Variants in MDGA2 observed in about 807,000 individuals in gnomAD.
The protein encoded by MDGA2 is MAM domain containing glycosylphosphatidylinositol anchor 2.
A neutral mutation model predicts 117.8 loss-of-function variants in MDGA2; 40 were observed. The ratio of observed to expected loss-of-function variants is 0.34; its 90% CI spans 0.26 to 0.44. The LOEUF (loss-of-function observed/expected upper bound fraction) is 0.44. Ranked by LOEUF, MDGA2 falls within the 20% of genes least tolerant of loss-of-function variation. MDGA2 has a pLI of 1.00. For synonymous variants in MDGA2, 452 were observed against 439.0 expected, an observed-to-expected ratio of 1.03 and a Z score of -0.37; for missense variants, 1,123 against 1,250.6, an observed-to-expected ratio of 0.90 and a Z score of 1.54.
chr14:47,129,088 GT>G (rs71112485), intron 5 of MDGA2, among the ~76,000 whole-genome samples: 16,746 of 147,690 alleles, frequency 0.11, 1,255 homozygotes, highest in Non-Finnish European at 0.18. Context: ...GCATTCTCTA[GT>G]TTTTTTTTTT....
intron 7 of MDGA2, among the ~76,000 whole-genome samples, chr14:47,041,378 A>G (rs1356072045): frequency 6.6e-6 from 1 of 152,140 alleles, no homozygotes; most frequent in African/African-American, 2.4e-5. Flanking sequence ...ATGAAAACGT[A>G]TCAAATTTAG....
intron 1 of MDGA2, among the ~76,000 whole-genome samples, chr14:47,439,753 G>T (rs756380405): frequency 1.3e-5 from 2 of 151,528 alleles, no homozygotes; most frequent in Non-Finnish European, 1.5e-5. Flanking sequence ...TCCAATCATG[G>T]CAGGGATTAT....
At chr14:47,494,652 T>C (rs945448157) in intron 1 of MDGA2, among the ~76,000 whole-genome samples, 2 of 152,084 alleles carry the variant, frequency 1.3e-5, no homozygotes, top group African/African-American at 4.8e-5. Flanking sequence ...TTTTTATAGT[T>C]TCAGGTCTTA....
At chr14:47,645,988 G>T (rs1164338913) in intron 1 of MDGA2, among the ~76,000 whole-genome samples, 1 of 150,704 alleles carries the variant, frequency 6.6e-6, no homozygotes, top group African/African-American at 2.4e-5. Context: ...GCTGAGGCAG[G>T]AGAATGGCAT....
intron 1 of MDGA2, among the ~76,000 whole-genome samples, chr14:47,634,053 A>T (rs1394015589): frequency 6.6e-6 from 1 of 152,140 alleles, no homozygotes; most frequent in African/African-American, 2.4e-5. Flanking sequence ...TAAAGTACAT[A>T]TCTTTTGGGA....
At chr14:47,620,124 T>C (rs1306643407) in intron 1 of MDGA2, among the ~76,000 whole-genome samples, 3 of 152,234 alleles carry the variant, frequency 2.0e-5, no homozygotes, top group Non-Finnish European at 4.4e-5. Flanking sequence ...TAACCATGCA[T>C]GTAATATGAA....
intron 1 of MDGA2, among the ~76,000 whole-genome samples, chr14:47,394,226 A>G (rs1237931413): frequency 6.6e-6 from 1 of 152,140 alleles, no homozygotes; most frequent in Admixed American, 6.5e-5. Flanking sequence ...ACTATCCACA[A>G]AAGAATAATA....
At chr14:46,873,408 G>GA (rs777798538) in intron 14 of MDGA2, 25 bp downstream of exon 14, 2 of 1,534,176 alleles carry the variant, frequency 1.3e-6, no homozygotes, top group African/African-American at 2.8e-5. Context: ...AATTTTGTAA[G>GA]AATCAGTAAT....
At chr14:47,355,913 T>C (rs528802667) in intron 1 of MDGA2, among the ~76,000 whole-genome samples, 1 of 152,190 alleles carries the variant, frequency 6.6e-6, no homozygotes, top group African/African-American at 2.4e-5. Context: ...TCTGAGTGCA[T>C]GTGTCTTTTC....
intron 1 of MDGA2, among the ~76,000 whole-genome samples, chr14:47,659,187 A>G (rs189456943): frequency 6.6e-6 from 1 of 152,300 alleles, no homozygotes; most frequent in East Asian, 1.9e-4. Context: ...AAACTAACAC[A>G]TCTGCTCCTA....
intron 3 of MDGA2, among the ~76,000 whole-genome samples, chr14:47,144,610 C>CAA (rs375897924): frequency 6.1e-5 from 9 of 147,716 alleles, no homozygotes; most frequent in Admixed American, 6.1e-4. Flanking sequence ...ACCTCAGTGA[C>CAA]AAAAAAAAAA....
chr14:47,167,366 T>C (rs1012280594), intron 3 of MDGA2, among the ~76,000 whole-genome samples: 10 of 152,198 alleles, frequency 6.6e-5, no homozygotes, highest in Non-Finnish European at 1.3e-4. Context: ...ACTTAACCTC[T>C]CTGTGTACTC....
At chr14:46,986,421 C>G (rs937436338) in intron 8 of MDGA2, among the ~76,000 whole-genome samples, 1 of 152,014 alleles carries the variant, frequency 6.6e-6, no homozygotes, top group African/African-American at 2.4e-5. Flanking sequence ...ACACTAAAGA[C>G]CACATGAAAT....
chr14:47,368,546 C>T (rs10459501), intron 1 of MDGA2, among the ~76,000 whole-genome samples: 55,342 of 151,898 alleles, frequency 0.36, 10,666 homozygotes, highest in East Asian at 0.68. Flanking sequence ...CAAGGTTATG[C>T]TTTGCGGGGG....
At chr14:47,289,799 A>C (rs764197548) in intron 2 of MDGA2, among the ~76,000 whole-genome samples, 18 of 152,140 alleles carry the variant, frequency 1.2e-4, no homozygotes, top group Non-Finnish European at 1.9e-4. Context: ...CCTTCTACCT[A>C]TATAATATTT....
chr14:47,070,733 G>A (rs1890251629), intron 6 of MDGA2, among the ~76,000 whole-genome samples: 1 of 152,198 alleles, frequency 6.6e-6, no homozygotes, highest in Admixed American at 6.5e-5. Context: ...AGCTTCCCAA[G>A]TAGCTGAGAC....
intron 8 of MDGA2, among the ~76,000 whole-genome samples, chr14:46,965,244 G>A (rs1488690315): frequency 6.6e-6 from 1 of 152,032 alleles, no homozygotes; most frequent in Non-Finnish European, 1.5e-5. Context: ...TTTTATAGAT[G>A]ATTTTTGTGA....
At chr14:47,247,534 C>A (rs1340016457) in intron 2 of MDGA2, among the ~76,000 whole-genome samples, 1 of 151,428 alleles carries the variant, frequency 6.6e-6, no homozygotes, top group Non-Finnish European at 1.5e-5. Context: ...AACTCCTGAC[C>A]TCAAATGATC....
At chr14:47,475,509 A>G (rs1893818088) in intron 1 of MDGA2, among the ~76,000 whole-genome samples, 1 of 152,220 alleles carries the variant, frequency 6.6e-6, no homozygotes, top group African/African-American at 2.4e-5. Context: ...TCATTCTATT[A>G]TAAGGATACA....
Sources: gnomAD v4.1 joint callset for allele counts (sites outside exome capture counted in the v4.1 genomes callset) on GRCh38, gnomAD v4.1.1 for gene constraint, MANE v1.5 for transcripts, NCBI Gene and HGNC (gene_info 2026-07-23, HGNC 2026-07-21) for gene names.